NLGN1: variants seen among roughly 807,000 people sequenced by gnomAD.
NLGN1 encodes neuroligin-1.
NLGN1 carries 12 observed loss-of-function variants against 65.5 expected under a neutral mutation model. The ratio of observed to expected loss-of-function variants is 0.18; its 90% CI spans 0.12 to 0.30. The LOEUF (loss-of-function observed/expected upper bound fraction) is 0.30, where lower values mean the gene tolerates loss of function less well. Ranked by LOEUF, NLGN1 falls within the 10% of genes least tolerant of loss-of-function variation. The pLI is 1.00. For missense variants in NLGN1, 750 were observed against 1,007.1 expected, an observed-to-expected ratio of 0.74 and a Z score of 3.46; for synonymous variants, 350 against 359.5, an observed-to-expected ratio of 0.97 and a Z score of 0.30.
chr3:174,062,509 T>G (rs1156597206), intron 4 of NLGN1, among the ~76,000 whole-genome samples: 2 of 152,008 alleles, frequency 1.3e-5, no homozygotes, highest in Non-Finnish European at 2.9e-5. Context: ...AAAATTCTGA[T>G]TAAATGCCAA....
intron 4 of NLGN1, among the ~76,000 whole-genome samples, chr3:174,182,421 A>G (rs1198546448): frequency 6.6e-6 from 1 of 152,166 alleles, no homozygotes; most frequent in Non-Finnish European, 1.5e-5. Flanking sequence ...AGAGCATACA[A>G]ACTTCCACTT....
intron 4 of NLGN1, among the ~76,000 whole-genome samples, chr3:173,829,340 C>T (rs1464348661): frequency 6.6e-6 from 1 of 152,060 alleles, no homozygotes; most frequent in Non-Finnish European, 1.5e-5. Context: ...GAGGAGAGGT[C>T]AGGCTAGAGA....
intron 2 of NLGN1, among the ~76,000 whole-genome samples, chr3:173,481,851 A>G (rs992128676): frequency 1.3e-5 from 2 of 151,972 alleles, no homozygotes; most frequent in Non-Finnish European, 2.9e-5. Flanking sequence ...ATTAGCATGA[A>G]TATTTTCATT....
chr3:174,130,866 G>T (rs1315595120), intron 4 of NLGN1, among the ~76,000 whole-genome samples: 1 of 152,060 alleles, frequency 6.6e-6, no homozygotes, highest in Non-Finnish European at 1.5e-5. Flanking sequence ...TTCAGTTAAT[G>T]GCAGAAACTA....
chr3:173,477,794 A>T (rs1726503070), intron 2 of NLGN1, among the ~76,000 whole-genome samples: 1 of 152,130 alleles, frequency 6.6e-6, no homozygotes, highest in African/African-American at 2.4e-5. Context: ...GTGTCTGTTC[A>T]TGTCCTTTGC....
chr3:173,500,380 C>A (rs1007078774), intron 2 of NLGN1, among the ~76,000 whole-genome samples: 2 of 152,126 alleles, frequency 1.3e-5, no homozygotes, highest in Non-Finnish European at 2.9e-5. Flanking sequence ...GTTGAACCAG[C>A]CTTGCCTCCA....
chr3:173,397,121 A>T (rs1448938865), upstream of NLGN1, among the ~76,000 whole-genome samples: 1 of 152,158 alleles, frequency 6.6e-6, no homozygotes, highest in East Asian at 1.9e-4. Context: ...GTTGGGGTTC[A>T]TGGAAGCTCC....
In NLGN1 at chr3:173,678,754, A is replaced by G. The variant is rs142594885; in HGVS notation, c.493+73663A>G. On this transcript the variant is annotated intron_variant, in intron 3 of 6. Transcript: ENST00000457714. The stretch of plus-strand genomic sequence containing the variant: ...TCAAAATGATTACCCTGCCAACAAC[A>G]TGGAAAATAGATTTTAAAAACTGAA... Among the ~76,000 whole-genome samples the G allele has an allele frequency of 3.2e-3, 491 of 152,254 alleles. 3 individuals are homozygous for G. The highest frequency in any genetic ancestry group is 0.011 in the African/African-American group (466 of 41,578).
intron 3 of NLGN1, among the ~76,000 whole-genome samples, chr3:173,694,507 T>C (rs916701371): frequency 6.6e-6 from 1 of 152,200 alleles, no homozygotes; most frequent in Non-Finnish European, 1.5e-5. Flanking sequence ...CACATTTTTC[T>C]CTCATATTGC....
intron 3 of NLGN1, among the ~76,000 whole-genome samples, chr3:173,790,650 G>T (rs1316646369): frequency 6.6e-6 from 1 of 151,870 alleles, no homozygotes; most frequent in Non-Finnish European, 1.5e-5. Context: ...TTTTTAAAGT[G>T]CATATCATAC....
At chr3:173,421,680 G>A (rs577738793) in intron 1 of NLGN1, among the ~76,000 whole-genome samples, 31 of 151,514 alleles carry the variant, frequency 2.0e-4, no homozygotes, top group Admixed American at 7.2e-4. Flanking sequence ...CCATCATGCC[G>A]GGATAAATTT....
At chr3:173,895,966 A>G (rs1395238736) in intron 4 of NLGN1, among the ~76,000 whole-genome samples, 1 of 152,188 alleles carries the variant, frequency 6.6e-6, no homozygotes, top group Non-Finnish European at 1.5e-5. Flanking sequence ...CTGAGATTAC[A>G]GGCATGAGGC....
chr3:173,413,874 A>G (rs1656649), intron 1 of NLGN1, among the ~76,000 whole-genome samples: 67,274 of 151,980 alleles, frequency 0.44, 15,976 homozygotes, highest in African/African-American at 0.6. Flanking sequence ...GAAAAAGAAC[A>G]AGAAAGGAAG....
At chr3:173,619,953 AG>A (rs1357443265) in intron 3 of NLGN1, among the ~76,000 whole-genome samples, 1 of 152,080 alleles carries the variant, frequency 6.6e-6, no homozygotes, top group African/African-American at 2.4e-5. Flanking sequence ...TGAGTGGGAG[AG>A]GGCTTCTTTA....
rs111951963 is a variant in NLGN1 at position 173,410,307 on chromosome 3, C to T, written c.-390+11820C>T. Reference sequence around the variant, plus strand: ...AAGTGTTTGCATTATCATGAGAACCCTCCATACATAAACACGGACACACTG... The same window carrying T: ...AAGTGTTTGCATTATCATGAGAACCTTCCATACATAAACACGGACACACTG... On this transcript the variant is annotated intron_variant, in intron 1 of 6. Transcript: ENST00000457714. Among the ~76,000 whole-genome samples, 796 of 152,278 alleles carry T rather than the reference C, an allele frequency of 5.2e-3. 10 individuals are homozygous for T. Among genetic ancestry groups the T allele is most frequent in the African/African-American group, 0.018 (749 of 41,548 alleles).
chr3:173,916,272 T>C (rs1740705284), intron 4 of NLGN1, among the ~76,000 whole-genome samples: 1 of 152,180 alleles, frequency 6.6e-6, no homozygotes, highest in Non-Finnish European at 1.5e-5. Flanking sequence ...TTGCTGAGTT[T>C]AATGAGTGAC....
chr3:174,121,744 C>T (rs1717823502), intron 4 of NLGN1, among the ~76,000 whole-genome samples: 1 of 152,152 alleles, frequency 6.6e-6, no homozygotes, highest in African/African-American at 2.4e-5. Flanking sequence ...GTAGCTTACA[C>T]AATGAGAACT....
intron 4 of NLGN1, among the ~76,000 whole-genome samples, chr3:174,032,902 A>C (rs560028711): frequency 6.6e-6 from 1 of 152,156 alleles, no homozygotes; most frequent in South Asian, 2.1e-4. Flanking sequence ...TCAGAGATTC[A>C]AGGAAATAGA....
chr3:173,697,822 A>G (rs9870905), intron 3 of NLGN1, among the ~76,000 whole-genome samples: 6,676 of 152,216 alleles, frequency 0.044, 175 homozygotes, highest in African/African-American at 0.062. Context: ...GAGCCACTGC[A>G]TCTGGCCGAG....
Sources: gnomAD v4.1 joint callset for allele counts (sites outside exome capture counted in the v4.1 genomes callset) on GRCh38, gnomAD v4.1.1 for gene constraint, MANE v1.5 for transcripts, NCBI Gene and HGNC (gene_info 2026-07-23, HGNC 2026-07-21) for gene names.